The following DST variants were observed in gnomAD, a reference collection of about 807,000 sequenced individuals.
DST encodes the protein bullous pemphigoid antigen.
DST carries 253 observed loss-of-function variants against 875.2 expected under a neutral mutation model. The observed-to-expected ratio is 0.29, with a 90% confidence interval of 0.26 to 0.32. The LOEUF is 0.32. Among genes scored for constraint, DST ranks in the 10% least tolerant of loss-of-function variants. The pLI is 1.00. For synonymous variants in DST, 3,124 were observed against 3,197.1 expected, an observed-to-expected ratio of 0.98 and a Z score of 0.77; for missense variants, 8,287 against 9,111.6, an observed-to-expected ratio of 0.91 and a Z score of 3.68.
chr6:56,508,394 C>T, intron 75 of DST, 135 bp downstream of exon 75: 1 of 713,846 alleles, frequency 1.4e-6, no homozygotes, highest in African/African-American at 1.8e-5. Flanking sequence ...CTATCTCCTA[C>T]TGTATCACTG....
intron 39 of DST, 41 bp from the exon 40 acceptor site, chr6:56,609,385 C>T (rs759405634): frequency 4.6e-5 from 66 of 1,434,378 alleles, no homozygotes; most frequent in Non-Finnish European, 6.1e-5. Context: ...CTCTGTTACA[C>T]AAGGGTGGGC....
intron 3 of DST, among the ~76,000 whole-genome samples, chr6:56,881,414 A>C (rs1003395145): frequency 6.6e-6 from 1 of 152,266 alleles, no homozygotes. Context: ...CAGAGGTTGC[A>C]GTGAGCCAAG....
chr6:56,703,871 CAA>C (rs35794687), intron 6 of DST, 125 bp from the exon 7 acceptor site: 158 of 122,278 alleles, frequency 1.3e-3, no homozygotes, highest in Middle Eastern at 4.5e-3. Context: ...TAATGTTCAC[CAA>C]AAAAAAAAAA....
At chr6:56,806,023 G>A (rs1378036605) in intron 4 of DST, among the ~76,000 whole-genome samples, 1 of 152,162 alleles carries the variant, frequency 6.6e-6, no homozygotes, top group Non-Finnish European at 1.5e-5. Flanking sequence ...AACCTCATTA[G>A]GATGGGGGTA....
At chr6:56,568,353 T>G (rs2097718760) in intron 55 of DST, 116 bp downstream of exon 55, 2 of 1,148,708 alleles carry the variant, frequency 1.7e-6, no homozygotes, top group Non-Finnish European at 2.4e-6. Context: ...TCTTGTCACT[T>G]TCACTTTGTA....
At chr6:56,615,743 G>C in intron 36 of DST, 1 of 1,614,082 alleles carries the variant, frequency 6.2e-7, no homozygotes, top group Non-Finnish European at 8.5e-7. Context: ...CTCTTCTATT[G>C]ATAACCGAGA....
intron 3 of DST, among the ~76,000 whole-genome samples, chr6:56,852,949 T>A (rs1765980009): frequency 6.6e-6 from 1 of 152,212 alleles, no homozygotes; most frequent in South Asian, 2.1e-4. Context: ...AAATAAACTC[T>A]AATTGCATCA....
intron 10 of DST, among the ~76,000 whole-genome samples, chr6:56,652,659 C>T (rs2098983247): frequency 6.6e-6 from 1 of 152,176 alleles, no homozygotes; most frequent in African/African-American, 2.4e-5. Flanking sequence ...AGAAAACAGA[C>T]CTTTCAAGAA....
chr6:56,564,793 T>C lies in DST; in HGVS notation c.14006-2593A>G, dbSNP rs1012240934. Among the ~76,000 whole-genome samples the C allele has an allele frequency of 2.0e-5, 3 of 152,358 alleles. No individual in the cohort carries two copies. In the South Asian group the frequency reaches 6.2e-4, roughly 32 times the overall value. The stretch of plus-strand genomic sequence containing the variant: ...GTTTTTAGCATGGAGGGTTGAATGT[T>C]ATCGAAGGCCTTTTCTGCATCTATT... On this transcript the variant is annotated intron_variant, in intron 55 of 103. Transcript: ENST00000680361.
chr6:56,884,554 C>T (rs1783736059), intron 3 of DST, among the ~76,000 whole-genome samples: 1 of 152,056 alleles, frequency 6.6e-6, no homozygotes. Flanking sequence ...CATTGATGAT[C>T]AGTGTCTAGG....
At chr6:56,660,692 A>G (rs977766488) in intron 10 of DST, among the ~76,000 whole-genome samples, 2 of 151,292 alleles carry the variant, frequency 1.3e-5, no homozygotes, top group Non-Finnish European at 2.9e-5. Flanking sequence ...TTGGGCACAG[A>G]TTAGCAACAA....
At chr6:56,667,828 TACAC>T (rs36046330) in intron 10 of DST, among the ~76,000 whole-genome samples, 2 of 149,770 alleles carry the variant, frequency 1.3e-5, no homozygotes, top group Non-Finnish European at 3.0e-5. Context: ...TATATATATA[TACAC>T]ACACACACAC....
In DST at chr6:56,477,334, G is replaced by A. The variant is rs2095242566; in HGVS notation, c.21675+11C>T. On this transcript the variant is annotated intron_variant, in intron 91 of 103. Transcript: ENST00000680361. ...TATTGCTACTCTGAAGATTATCTGA[G>A]ACACACTGACCTCCTCAAACCTCGC... 6.2e-7 allele frequency: 1 copy of A among 1,612,278 alleles called. No homozygotes were observed. Among genetic ancestry groups the A allele is most frequent in the Non-Finnish European group, 8.5e-7 (1 of 1,179,100 alleles).
At chr6:56,620,331 G>C in intron 36 of DST, 1 of 1,614,148 alleles carries the variant, frequency 6.2e-7, no homozygotes, top group South Asian at 1.1e-5. Context: ...AAATTCAGGA[G>C]GTTCTCTTCC....
At chr6:56,842,960 C>A (rs749318863) in intron 4 of DST, 3 of 1,184,024 alleles carry the variant, frequency 2.5e-6, no homozygotes, top group Non-Finnish European at 3.3e-6. Context: ...CCTGTTTACT[C>A]GTGCCCAAGG....
chr6:56,885,795 G>T (rs536517006), intron 3 of DST, among the ~76,000 whole-genome samples: 8 of 152,208 alleles, frequency 5.3e-5, no homozygotes, highest in Non-Finnish European at 8.8e-5. Context: ...TTCCAGAAGA[G>T]TGAGAAAATA....
At chr6:56,468,169 T>A (rs1554207173) in intron 98 of DST, among the ~76,000 whole-genome samples, 2 of 72,516 alleles carry the variant, frequency 2.8e-5, no homozygotes, top group South Asian at 4.4e-4. Flanking sequence ...TAAAATAAAA[T>A]AAAATAAAAT....
chr6:56,804,335 G>A (rs534854550), intron 4 of DST, among the ~76,000 whole-genome samples: 4 of 152,010 alleles, frequency 2.6e-5, no homozygotes, highest in Admixed American at 2.6e-4. Flanking sequence ...CTGTCGTTAA[G>A]TAAGATTAAA....
rs1248446969 is a variant in DST at position 56,600,055 on chromosome 6, A to T, written c.11694+14T>A. On this transcript the variant is annotated intron_variant, in intron 45 of 103. Coordinates refer to ENST00000680361, the MANE Select transcript of DST (RefSeq NM_001374736.1). The stretch of plus-strand genomic sequence containing the variant: ...ACATCAACATAGATCTGCTGATAGA[A>T]AACCAAATTCTACCTCTTGCTTGGA... 1 of 1,608,478 alleles carries T rather than the reference A, an allele frequency of 6.2e-7. No individual in the cohort carries two copies. Among genetic ancestry groups the T allele is most frequent in the Non-Finnish European group, 8.5e-7 (1 of 1,177,320 alleles).
Sources: allele counts gnomAD v4.1 joint callset (sites outside exome capture counted in the v4.1 genomes callset), GRCh38; gene constraint gnomAD v4.1.1; transcripts MANE v1.5; gene names NCBI Gene and HGNC (gene_info 2026-07-23, HGNC 2026-07-21).